CCSER1: variants seen among roughly 807,000 people sequenced by gnomAD.
The protein encoded by CCSER1 is coiled-coil serine rich protein 1.
CCSER1 carries 41 observed loss-of-function variants against 82.0 expected under a neutral mutation model. The observed-to-expected ratio is 0.50, with a 90% CI of 0.39 to 0.65. The LOEUF is 0.65. Ranked by LOEUF, CCSER1 falls within the 30% of genes least tolerant of loss-of-function variation. CCSER1 has a pLI of 0.00. For synonymous variants in CCSER1, 414 were observed against 383.9 expected, an observed-to-expected ratio of 1.08 and a Z score of -0.92; for missense variants, 1,119 against 1,064.2, an observed-to-expected ratio of 1.05 and a Z score of -0.72.
At chr4:90,269,852 T>TA (rs1168493280) in intron 1 of CCSER1, among the ~76,000 whole-genome samples, 2 of 151,986 alleles carry the variant, frequency 1.3e-5, no homozygotes, top group Non-Finnish European at 2.9e-5. Context: ...TTACAATTGA[T>TA]ACCGCAAAAA....
chr4:91,589,866 G>A (rs541591200), intron 10 of CCSER1, among the ~76,000 whole-genome samples: 1 of 151,638 alleles, frequency 6.6e-6, no homozygotes, highest in Non-Finnish European at 1.5e-5. Flanking sequence ...TTTAACTAAG[G>A]AGAATTACTG....
At chr4:90,456,737 A>G (rs1195778576) in intron 4 of CCSER1, among the ~76,000 whole-genome samples, 1 of 152,122 alleles carries the variant, frequency 6.6e-6, no homozygotes, top group Non-Finnish European at 1.5e-5. Flanking sequence ...GAGGCATGGC[A>G]TTTTTCTTTC....
chr4:91,414,783 C>T (rs1272347296), intron 10 of CCSER1, among the ~76,000 whole-genome samples: 1 of 152,008 alleles, frequency 6.6e-6, no homozygotes, highest in Admixed American at 6.6e-5. Flanking sequence ...AAACAAAATA[C>T]ACTTACAATT....
intron 9 of CCSER1, among the ~76,000 whole-genome samples, chr4:90,994,420 A>C (rs992722464): frequency 6.6e-6 from 1 of 152,044 alleles, no homozygotes; most frequent in Non-Finnish European, 1.5e-5. Flanking sequence ...GAAAAGCAGC[A>C]TGGTTATATG....
At chr4:90,303,403 C>G (rs1311470403) in intron 1 of CCSER1, among the ~76,000 whole-genome samples, 2 of 152,090 alleles carry the variant, frequency 1.3e-5, no homozygotes, top group African/African-American at 4.8e-5. Flanking sequence ...TCAAACTATA[C>G]TACAAGGCTA....
rs147550247 is a variant in CCSER1 at position 90,136,325 on chromosome 4, T to C, written c.-42+8494T>C. 1.2e-3 allele frequency among the ~76,000 whole-genome samples: 182 copies of C among 152,132 alleles called. 1 individual carries two copies. Among genetic ancestry groups the C allele is most frequent in the Non-Finnish European group, 2.3e-3 (158 of 67,988 alleles). On this transcript the variant is annotated intron_variant, in intron 1 of 10. Coordinates refer to ENST00000509176, the MANE Select transcript of CCSER1 (RefSeq NM_001145065.2). ...CTATGATCACACCATGCATTCCAGCTTGGGCAACAGCAAGACCCTGTCTCT... is the reference window on the plus strand; with the variant it reads ...CTATGATCACACCATGCATTCCAGCCTGGGCAACAGCAAGACCCTGTCTCT...
At chr4:90,786,928 C>G (rs897087) in intron 7 of CCSER1, among the ~76,000 whole-genome samples, 2 of 152,046 alleles carry the variant, frequency 1.3e-5, no homozygotes, top group Non-Finnish European at 2.9e-5. Context: ...CTATAACCCC[C>G]TTTTTGTGTT....
chr4:91,164,311 A>T (rs1310977692), intron 10 of CCSER1, among the ~76,000 whole-genome samples: 1 of 152,122 alleles, frequency 6.6e-6, no homozygotes, highest in Non-Finnish European at 1.5e-5. Flanking sequence ...TGTTAGTCTG[A>T]TGGGCTTCCC....
intron 4 of CCSER1, among the ~76,000 whole-genome samples, chr4:90,433,884 A>G (rs949413635): frequency 2.0e-5 from 3 of 151,854 alleles, no homozygotes; most frequent in Non-Finnish European, 4.4e-5. Flanking sequence ...ATATATATAT[A>G]TATGCAAATT....
At chr4:90,871,107 G>A (rs1766439716) in intron 8 of CCSER1, among the ~76,000 whole-genome samples, 1 of 146,266 alleles carries the variant, frequency 6.8e-6, no homozygotes, top group South Asian at 2.1e-4. Flanking sequence ...TTCATCAAAT[G>A]TATCTTTTCA....
intron 8 of CCSER1, among the ~76,000 whole-genome samples, chr4:90,819,270 C>T (rs959738952): frequency 1.3e-5 from 2 of 152,068 alleles, no homozygotes; most frequent in Admixed American, 1.3e-4. Context: ...ATCAAAACTC[C>T]CATCATCTCC....
At chr4:91,511,673 C>A (rs979866056) in intron 10 of CCSER1, among the ~76,000 whole-genome samples, 4 of 152,076 alleles carry the variant, frequency 2.6e-5, no homozygotes, top group Non-Finnish European at 4.4e-5. Flanking sequence ...GTGAACTGCA[C>A]ATGTGAGGAA....
At chr4:90,512,574 T>G (rs1224962682) in intron 5 of CCSER1, among the ~76,000 whole-genome samples, 3 of 152,148 alleles carry the variant, frequency 2.0e-5, no homozygotes, top group Non-Finnish European at 4.4e-5. Flanking sequence ...ATAATGAGGA[T>G]AGAAATGACA....
At chr4:90,789,299 A>G (rs1176427889) in intron 7 of CCSER1, among the ~76,000 whole-genome samples, 2 of 152,028 alleles carry the variant, frequency 1.3e-5, no homozygotes, top group Non-Finnish European at 2.9e-5. Context: ...TCTCCTTCTT[A>G]AATTTGTTTG....
intron 8 of CCSER1, among the ~76,000 whole-genome samples, chr4:90,842,814 G>T (rs891100988): frequency 2.6e-5 from 4 of 152,086 alleles, no homozygotes; most frequent in Admixed American, 2.0e-4. Context: ...ACCGTATTCT[G>T]GTTTGTCCAA....
At chr4:90,931,867 A>C (rs537749220) in intron 9 of CCSER1, among the ~76,000 whole-genome samples, 1 of 152,304 alleles carries the variant, frequency 6.6e-6, no homozygotes, top group Non-Finnish European at 1.5e-5. Flanking sequence ...TTGCCAGTGA[A>C]ATAACTGATA....
intron 10 of CCSER1, among the ~76,000 whole-genome samples, chr4:91,393,753 T>C (rs1042716688): frequency 6.6e-6 from 1 of 152,060 alleles, no homozygotes; most frequent in Admixed American, 6.6e-5. Flanking sequence ...TGAAGGTGTA[T>C]GGAAATTAAA....
chr4:90,296,390 T>A (rs1731929708), intron 1 of CCSER1, among the ~76,000 whole-genome samples: 2 of 152,192 alleles, frequency 1.3e-5, no homozygotes, highest in Non-Finnish European at 2.9e-5. Flanking sequence ...TTCTGGATAT[T>A]AGCCCTTTGC....
intron 10 of CCSER1, among the ~76,000 whole-genome samples, chr4:91,192,210 T>C (rs1422077929): frequency 1.3e-5 from 2 of 152,148 alleles, no homozygotes; most frequent in Admixed American, 6.6e-5. Context: ...TTTCCCCCCA[T>C]GGACTTGCCT....
Sources: allele counts gnomAD v4.1 joint callset (sites outside exome capture counted in the v4.1 genomes callset), GRCh38; gene constraint gnomAD v4.1.1; transcripts MANE v1.5; gene names NCBI Gene and HGNC (gene_info 2026-07-23, HGNC 2026-07-21).